The following PTCHD4 variants were observed in gnomAD, a reference collection of about 807,000 sequenced individuals.
The protein encoded by PTCHD4 is patched domain containing 4, also known as patched domain-containing protein 4.
Under a neutral mutation model 58.1 loss-of-function variants are expected in PTCHD4, and 33 were observed. The observed-to-expected ratio is 0.57, with a 90% CI of 0.43 to 0.76. PTCHD4 has a LOEUF of 0.76. Among genes scored for constraint, PTCHD4 ranks in the 30% least tolerant of loss-of-function variants. The pLI, the probability that PTCHD4 is intolerant of heterozygous loss-of-function variation, is 0.00. For synonymous variants in PTCHD4, 478 were observed against 409.6 expected, an observed-to-expected ratio of 1.17 and a Z score of -2.02; for missense variants, 1,058 against 1,027.1, an observed-to-expected ratio of 1.03 and a Z score of -0.41.
chr6:47,923,024 T>C (rs1765482515), intron 4 of PTCHD4, among the ~76,000 whole-genome samples: 1 of 152,206 alleles, frequency 6.6e-6, no homozygotes, highest in Non-Finnish European at 1.5e-5. Context: ...TCATCTGAGT[T>C]TTCAGTTTCC....
intron 4 of PTCHD4, among the ~76,000 whole-genome samples, chr6:47,996,264 T>G (rs533788459): frequency 1.3e-5 from 2 of 151,924 alleles, no homozygotes; most frequent in South Asian, 4.2e-4. Context: ...AGGTCAGGAG[T>G]TGGAGATCAG....
intron 3 of PTCHD4, among the ~76,000 whole-genome samples, chr6:48,010,078 T>C (rs1762611844): frequency 6.6e-6 from 1 of 152,156 alleles, no homozygotes; most frequent in African/African-American, 2.4e-5. Flanking sequence ...ATTTGGAAAG[T>C]TTATTATTGC....
intron 3 of PTCHD4, among the ~76,000 whole-genome samples, chr6:48,026,273 C>T (rs1763243047): frequency 6.6e-6 from 1 of 152,144 alleles, no homozygotes; most frequent in Non-Finnish European, 1.5e-5. Context: ...TTTCTTTGTT[C>T]ACTATATTTG....
chr6:48,068,255 G>C lies in PTCHD4; in HGVS notation c.392C>G (p.Thr131Ser). The C allele has an allele frequency of 6.3e-7, 1 of 1,591,384 alleles. No individual in the cohort carries two copies. The highest frequency in any genetic ancestry group is 8.6e-7 in the Non-Finnish European group (1 of 1,165,262). The change falls in exon 3 of 5, where the codon ACC becomes AGC. Residue 131 changes from threonine to serine, a missense_variant. Coordinates refer to ENST00000339488, the MANE Select transcript of PTCHD4 (RefSeq NM_001384253.1). The surrounding 1 kb of genome is among the most constrained non-coding windows in gnomAD (Gnocchi z 4.2). ...CTTCATTTCCAGCACGGCTCGGTGG[G>C]TCTGCAGGATCCCCTCAGCCTGGAG... ...ILLQAEGILQTHRAVLEMKDG... is the reference protein window; with the variant it reads ...ILLQAEGILQSHRAVLEMKDG...
intron 4 of PTCHD4, among the ~76,000 whole-genome samples, chr6:47,892,372 G>T (rs1425084623): frequency 1.3e-5 from 2 of 152,130 alleles, no homozygotes; most frequent in Admixed American, 1.3e-4. Flanking sequence ...ATCATTTAGG[G>T]AATAAAAATT....
At position 47,868,846 on chromosome 6, in the gene PTCHD4, G is replaced by A. The variant is rs139286054; in HGVS notation, c.*9457C>T. Among the ~76,000 whole-genome samples the A allele has an allele frequency of 6.6e-6, 1 of 151,680 alleles. No homozygotes were observed. The highest frequency in any genetic ancestry group is 1.9e-4 in the East Asian group (1 of 5,132). ...TGAACATATTTAAAGGAAAAAAGCA[G>A]AATAAAATTAATAATTAAAATACTA... is the stretch of plus-strand genomic sequence containing the variant. On this transcript the variant is annotated 3_prime_UTR_variant, in exon 5 of 5. Transcript: ENST00000339488.
At chr6:47,958,806 C>T (rs535510081) in intron 4 of PTCHD4, among the ~76,000 whole-genome samples, 4 of 152,300 alleles carry the variant, frequency 2.6e-5, no homozygotes, top group Admixed American at 2.6e-4. Flanking sequence ...GTGTCTGCTA[C>T]CATCAGCCAG....
chr6:47,961,066 T>A (rs1767070021), intron 4 of PTCHD4, among the ~76,000 whole-genome samples: 1 of 151,378 alleles, frequency 6.6e-6, no homozygotes, highest in African/African-American at 2.4e-5. Flanking sequence ...CAGAGAGCAC[T>A]TACCGCAACA....
chr6:48,041,611 C>T (rs1217219567), intron 3 of PTCHD4, among the ~76,000 whole-genome samples: 1 of 151,964 alleles, frequency 6.6e-6, no homozygotes, highest in Non-Finnish European at 1.5e-5. Flanking sequence ...TTCCTCTGTG[C>T]TTGCTAAAGA....
chr6:47,894,846 T>C (rs1460001027), intron 4 of PTCHD4, among the ~76,000 whole-genome samples: 2 of 152,216 alleles, frequency 1.3e-5, no homozygotes, highest in Non-Finnish European at 2.9e-5. Context: ...GAAAGAATAA[T>C]AAGGGCTGGG....
At chr6:47,943,003 G>A (rs141589142) in intron 4 of PTCHD4, among the ~76,000 whole-genome samples, 65 of 152,220 alleles carry the variant, frequency 4.3e-4, no homozygotes, top group Non-Finnish European at 7.5e-4. Flanking sequence ...TAACCCCTCC[G>A]TATGCAGTTT....
chr6:48,039,111 G>A (rs775594089), intron 3 of PTCHD4, among the ~76,000 whole-genome samples: 6 of 152,118 alleles, frequency 3.9e-5, no homozygotes, highest in Non-Finnish European at 5.9e-5. Flanking sequence ...GTTTATGGCA[G>A]TATTATCTAC....
At chr6:48,070,151 G>A (rs1007812669) in intron 1 of PTCHD4, among the ~76,000 whole-genome samples, 4 of 149,030 alleles carry the variant, frequency 2.7e-5, no homozygotes, top group African/African-American at 7.4e-5. Flanking sequence ...GTGTGTGTGT[G>A]TGTGTATATA....
intron 3 of PTCHD4, among the ~76,000 whole-genome samples, chr6:48,040,042 G>A (rs748311897): frequency 6.6e-6 from 1 of 152,024 alleles, no homozygotes; most frequent in South Asian, 2.1e-4. Context: ...TGATGCTGCC[G>A]ATTAGTGGAT....
At chr6:48,072,888 A>G (rs532370884) in intron 1 of PTCHD4, among the ~76,000 whole-genome samples, 1 of 152,236 alleles carries the variant, frequency 6.6e-6, no homozygotes, top group South Asian at 2.1e-4. Flanking sequence ...TCTATAACAA[A>G]AATATATATT....
At chr6:47,973,528 A>G (rs2814478) in intron 4 of PTCHD4, among the ~76,000 whole-genome samples, 147,778 of 152,316 alleles carry the variant, frequency 0.97, 71,696 homozygotes, top group East Asian at 1. Flanking sequence ...TGCTGGAGCC[A>G]GACGGCACCA....
At chr6:47,886,601 C>T (rs1395564786) in intron 4 of PTCHD4, among the ~76,000 whole-genome samples, 2 of 151,966 alleles carry the variant, frequency 1.3e-5, no homozygotes, top group Admixed American at 6.6e-5. Context: ...GAAAATCACC[C>T]CCGATCGTGA....
In PTCHD4 at chr6:47,882,043, C is replaced by T. The variant is rs190419895; in HGVS notation, c.899-2107G>A. Among the ~76,000 whole-genome samples the T allele has an allele frequency of 4.0e-3, 604 of 152,148 alleles. 3 individuals carry two copies. The highest frequency in any genetic ancestry group is 6.8e-3 in the Non-Finnish European group (462 of 67,968). On this transcript the variant is annotated intron_variant, in intron 4 of 4. Coordinates refer to ENST00000339488, the MANE Select transcript of PTCHD4 (RefSeq NM_001384253.1). ...TTCTTAACAATGTTAATTGTTCATTCCTATCTTCGGCAAAACTCCTTGAAG... is the reference window on the plus strand; with the variant it reads ...TTCTTAACAATGTTAATTGTTCATTTCTATCTTCGGCAAAACTCCTTGAAG...
Position 47,873,193 on chromosome 6 carries a change from C to A in PTCHD4, c.*5110G>T, listed in dbSNP as rs1372628177. On this transcript the variant is annotated 3_prime_UTR_variant, in exon 5 of 5. Transcript: ENST00000339488. ...CAAATGAGAACCCAGTCTTCAAGTG[C>A]AATGTATTTGCCTATGATCAAGTTT... Among the ~76,000 whole-genome samples, 2 of 151,700 alleles carry A rather than the reference C, an allele frequency of 1.3e-5. No homozygotes were observed. Among genetic ancestry groups the A allele is most frequent in the Non-Finnish European group, 1.5e-5 (1 of 67,766 alleles).
Sources: gnomAD v4.1 joint callset for allele counts (sites outside exome capture counted in the v4.1 genomes callset) on GRCh38, gnomAD v4.1.1 for gene constraint, Gnocchi (gnomAD v3.1) non-coding constraint, MANE v1.5 for transcripts, NCBI Gene and HGNC (gene_info 2026-07-23, HGNC 2026-07-21) for gene names.